Variants in WWOX observed in about 807,000 individuals in gnomAD.
The protein encoded by WWOX is WW domain containing oxidoreductase.
WWOX carries 69 observed loss-of-function variants against 46.2 expected under a neutral mutation model. The ratio of observed to expected loss-of-function variants is 1.49; its 90% CI spans 1.23 to 1.82. The LOEUF (loss-of-function observed/expected upper bound fraction) is 1.82. WWOX is among the 40% of genes most tolerant of loss of function. The pLI is 0.00. For synonymous variants in WWOX, 359 were observed against 202.6 expected, an observed-to-expected ratio of 1.77 and a Z score of -6.56; for missense variants, 919 against 542.6, an observed-to-expected ratio of 1.69 and a Z score of -6.89.
intron 8 of WWOX, among the ~76,000 whole-genome samples, chr16:78,592,853 C>G (rs2045383347): frequency 1.3e-5 from 2 of 152,184 alleles, no homozygotes; most frequent in Admixed American, 1.3e-4. Flanking sequence ...TTCATGATAA[C>G]TCGCTGCCCA....
intron 8 of WWOX, among the ~76,000 whole-genome samples, chr16:78,695,807 A>C (rs925257325): frequency 8.5e-5 from 13 of 152,352 alleles, no homozygotes; most frequent in Middle Eastern, 6.8e-3. Flanking sequence ...CCAGGTGCCC[A>C]ATATTTTAAT....
chr16:78,546,017 G>A (rs897453160), intron 8 of WWOX, among the ~76,000 whole-genome samples: 9 of 152,186 alleles, frequency 5.9e-5, no homozygotes, highest in African/African-American at 1.2e-4. Flanking sequence ...TGAGGGGGAC[G>A]CAGTTTAGTC....
At chr16:78,634,606 T>C (rs2046519386) in intron 8 of WWOX, among the ~76,000 whole-genome samples, 1 of 151,218 alleles carries the variant, frequency 6.6e-6, no homozygotes. Context: ...TTCAGGAAGT[T>C]GAGGCAGGAG....
chr16:79,024,487 G>A (rs1338918243), intron 8 of WWOX, among the ~76,000 whole-genome samples: 3 of 152,180 alleles, frequency 2.0e-5, no homozygotes, highest in African/African-American at 4.8e-5. Context: ...AGGCTGGAGT[G>A]CAGTGGTGCT....
At chr16:78,456,721 G>C (rs1227661866) in intron 8 of WWOX, among the ~76,000 whole-genome samples, 4 of 152,154 alleles carry the variant, frequency 2.6e-5, no homozygotes, top group Admixed American at 1.3e-4. Flanking sequence ...GAAGAGAAAA[G>C]GTAGAATATC....
chr16:78,805,146 A>T (rs2050996187), intron 8 of WWOX, among the ~76,000 whole-genome samples: 1 of 72,710 alleles, frequency 1.4e-5, no homozygotes, highest in African/African-American at 4.6e-5. Flanking sequence ...CTAGATTGTG[A>T]AATGTTTAAG....
chr16:78,705,747 G>T (rs1467145558), intron 8 of WWOX, among the ~76,000 whole-genome samples: 2 of 152,164 alleles, frequency 1.3e-5, no homozygotes, highest in Non-Finnish European at 2.9e-5. Context: ...AATGCTGTAT[G>T]TACCATCAGA....
chr16:78,874,584 T>C (rs2044196195), intron 8 of WWOX, among the ~76,000 whole-genome samples: 1 of 151,588 alleles, frequency 6.6e-6, no homozygotes, highest in South Asian at 2.1e-4. Flanking sequence ...TGGTCTCCAC[T>C]ACAGATTCTG....
At chr16:78,420,989 A>C (rs1011551131) in intron 6 of WWOX, among the ~76,000 whole-genome samples, 2 of 152,172 alleles carry the variant, frequency 1.3e-5, no homozygotes, top group Non-Finnish European at 2.9e-5. Flanking sequence ...CCTCTGGCTT[A>C]ATCATTATTT....
intron 5 of WWOX, among the ~76,000 whole-genome samples, chr16:78,294,975 A>G (rs1490499125): frequency 2.0e-5 from 3 of 152,182 alleles, no homozygotes; most frequent in South Asian, 4.1e-4. Context: ...ATTTCACACA[A>G]AGGCTCTAAG....
At chr16:78,817,572 C>T (rs184347173) in intron 8 of WWOX, among the ~76,000 whole-genome samples, 1 of 152,310 alleles carries the variant, frequency 6.6e-6, no homozygotes, top group Non-Finnish European at 1.5e-5. Flanking sequence ...GCCAAGTTGG[C>T]TACAAAACCT....
intron 5 of WWOX, among the ~76,000 whole-genome samples, chr16:78,356,179 T>A (rs1459066792): frequency 6.7e-6 from 1 of 149,550 alleles, no homozygotes; most frequent in African/African-American, 2.5e-5. Flanking sequence ...AGAGCGAGAC[T>A]CTGTCTCAAA....
In WWOX at chr16:78,918,325, C is replaced by T. The variant is rs181897980; in HGVS notation, c.1057-293283C>T. On this transcript the variant is annotated intron_variant, in intron 8 of 8. Transcript: ENST00000566780. The stretch of plus-strand genomic sequence containing the variant: ...TCTAAGAGGCATCTTCTATACATTT[C>T]CTGTTTCTCTCTTCCTTTTCCTAAG... Among the ~76,000 whole-genome samples, 320 of 152,256 alleles carry T rather than the reference C, an allele frequency of 2.1e-3. 1 individual carries two copies. The highest frequency in any genetic ancestry group is 7.3e-3 in the African/African-American group (305 of 41,556).
rs143667250 is a variant in WWOX, at chr16:78,303,663, G to T, written c.517-83197G>T. 1.9e-3 allele frequency among the ~76,000 whole-genome samples: 285 copies of T among 152,286 alleles called. 1 individual carries two copies. The highest frequency in any genetic ancestry group is 3.3e-3 in the Non-Finnish European group (225 of 68,028). ...GGTTTCAAGCGATTCTCATGCCTCA[G>T]ACTCCTGAGTAGCTGGGATTACAGG... On this transcript the variant is annotated intron_variant, in intron 5 of 8. Coordinates refer to ENST00000566780, the MANE Select transcript of WWOX (RefSeq NM_016373.4).
chr16:78,577,006 C>T (rs1200094531), intron 8 of WWOX, among the ~76,000 whole-genome samples: 1 of 152,194 alleles, frequency 6.6e-6, no homozygotes, highest in East Asian at 1.9e-4. Context: ...GAACAAATCA[C>T]CCCAAAATTC....
At chr16:78,677,556 G>C (rs1469180754) in intron 8 of WWOX, among the ~76,000 whole-genome samples, 1 of 152,116 alleles carries the variant, frequency 6.6e-6, no homozygotes, top group South Asian at 2.1e-4. Context: ...GAATAGTTAT[G>C]GGTCCTTTCA....
At chr16:78,243,058 C>G (rs1051441611) in intron 5 of WWOX, among the ~76,000 whole-genome samples, 2 of 152,098 alleles carry the variant, frequency 1.3e-5, no homozygotes, top group East Asian at 1.9e-4. Context: ...TTCCCTCTCC[C>G]CATCCTAGCC....
At chr16:78,934,816 C>T (rs1190638441) in intron 8 of WWOX, among the ~76,000 whole-genome samples, 3 of 152,116 alleles carry the variant, frequency 2.0e-5, no homozygotes, top group Non-Finnish European at 4.4e-5. Context: ...AGAGAAGAAG[C>T]AGACTGGGCA....
chr16:78,793,666 C>T lies in WWOX; in HGVS notation c.1056+360914C>T, dbSNP rs145729984. Among the ~76,000 whole-genome samples, 667 of 152,180 alleles carry T rather than the reference C, an allele frequency of 4.4e-3. 4 individuals are homozygous for T. The highest frequency in any genetic ancestry group is 0.014 in the African/African-American group (601 of 41,524). Reference sequence around the variant, plus strand: ...AAAAAAAACTTTTTTTCAGACTATTCAGCCATTATGGAAATAACTTATAAT... The same window carrying T: ...AAAAAAAACTTTTTTTCAGACTATTTAGCCATTATGGAAATAACTTATAAT... On this transcript the variant is annotated intron_variant, in intron 8 of 8. Coordinates refer to ENST00000566780, the MANE Select transcript of WWOX (RefSeq NM_016373.4).
Sources: gnomAD v4.1 joint callset for allele counts (sites outside exome capture counted in the v4.1 genomes callset) on GRCh38, gnomAD v4.1.1 for gene constraint, MANE v1.5 for transcripts, NCBI Gene and HGNC (gene_info 2026-07-23, HGNC 2026-07-21) for gene names.